Variants in CFAP47 observed in about 807,000 individuals in gnomAD.
CFAP47 encodes the protein cilia- and flagella-associated protein 47.
Under a neutral mutation model 148.1 loss-of-function variants are expected in CFAP47, and 29 were observed. The observed-to-expected ratio is 0.20, with a 90% CI of 0.15 to 0.27. The LOEUF is 0.27. Ranked by LOEUF, CFAP47 falls within the 10% of genes least tolerant of loss-of-function variation. The probability of loss-of-function intolerance (pLI) is 1.00; values close to 1 mark genes in which losing one functional copy is unlikely to be tolerated. For synonymous variants in CFAP47, 664 were observed against 577.3 expected (o/e 1.15, Z -2.15); for missense variants, 1,872 against 1,697.5 (o/e 1.10, Z -1.81).
chrX:36,171,831 G>A (rs1386286537), intron 39 of CFAP47, among the ~76,000 whole-genome samples: 12 of 110,500 alleles, frequency 1.1e-4, no homozygotes, highest in African/African-American at 3.6e-4. Flanking sequence ...CCAATTCTGT[G>A]AAGAAAGTCA....
chrX:35,953,378 G>A (rs990007218), intron 6 of CFAP47, among the ~76,000 whole-genome samples: 2 of 111,678 alleles, frequency 1.8e-5, no homozygotes, highest in East Asian at 2.8e-4. Context: ...ATGTTGGCAC[G>A]AACTCATTTT....
chrX:36,252,362 A>G (rs1294876995), intron 49 of CFAP47, among the ~76,000 whole-genome samples: 1 of 109,591 alleles, frequency 9.1e-6, no homozygotes, highest in East Asian at 2.9e-4. Context: ...CTATGCTATT[A>G]AAAAGCAGAA....
chrX:35,936,244 A>G (rs896723624), intron 2 of CFAP47, among the ~76,000 whole-genome samples: 2 of 111,355 alleles, frequency 1.8e-5, no homozygotes, highest in African/African-American at 6.5e-5. Flanking sequence ...GAATTCTATT[A>G]ATCGAGCTTC....
intron 48 of CFAP47, among the ~76,000 whole-genome samples, chrX:36,239,490 G>C (rs919726805): frequency 4.5e-5 from 5 of 112,028 alleles, no homozygotes; most frequent in Non-Finnish European, 9.4e-5. Context: ...ACAGTGTATG[G>C]ATTACTATTT....
chrX:36,280,902 C>T (rs5973635), intron 50 of CFAP47, among the ~76,000 whole-genome samples: 26,287 of 111,156 alleles, frequency 0.24, 2,573 homozygotes, highest in African/African-American at 0.36. Context: ...TGTCACTATA[C>T]AAAAGCATAC....
intron 23 of CFAP47, among the ~76,000 whole-genome samples, chrX:36,032,784 C>G (rs970451496): frequency 1.8e-5 from 2 of 110,804 alleles, no homozygotes; most frequent in Non-Finnish European, 1.9e-5. Context: ...ACAAAAGATA[C>G]TTTGCTGACG....
rs183134667 is a variant in CFAP47 at position 35,924,360 on chromosome X, T to C, written c.250-1657T>C. Among the ~76,000 whole-genome samples, 375 of 106,743 alleles carry C rather than the reference T, an allele frequency of 3.5e-3. 1 individual carries two copies. Among genetic ancestry groups the C allele is most frequent in the Non-Finnish European group, 5.9e-3 (305 of 51,756 alleles). 92.7% of individuals were successfully genotyped at this position (106,743 alleles called of 115,157 possible). A position where few individuals can be genotyped will look rare whatever the true frequency, so the allele number is the denominator to read the frequency against. On this transcript the variant is annotated intron_variant, in intron 1 of 63. Coordinates refer to ENST00000378653, the MANE Select transcript of CFAP47 (RefSeq NM_001304548.2). ...ACATATATGTGTGCATATGTGTATA[T>C]ATGTATATGTGCATATATGCACACA...
chrX:36,068,000 TA>T (rs1270385076), intron 27 of CFAP47, among the ~76,000 whole-genome samples: 1 of 112,004 alleles, frequency 8.9e-6, no homozygotes, highest in Non-Finnish European at 1.9e-5. Context: ...TTCCCAGGTA[TA>T]AAATCTTTCC....
chrX:36,040,554 A>G, intron 25 of CFAP47, among the ~76,000 whole-genome samples: 1 of 111,830 alleles, frequency 8.9e-6, no homozygotes, highest in Non-Finnish European at 1.9e-5. Flanking sequence ...TATAGTTATA[A>G]TTCAAGTCTC....
intron 3 of CFAP47, among the ~76,000 whole-genome samples, chrX:35,941,935 G>T (rs1360265201): frequency 9.0e-6 from 1 of 110,685 alleles, no homozygotes; most frequent in Non-Finnish European, 1.9e-5. Flanking sequence ...ATTCTTTTTT[G>T]AAGGAATAAA....
chrX:36,067,930 C>T (rs1288542869), intron 27 of CFAP47, among the ~76,000 whole-genome samples: 1 of 111,405 alleles, frequency 9.0e-6, no homozygotes, highest in Non-Finnish European at 1.9e-5. Flanking sequence ...GGATTACAGG[C>T]GTGAGCCACC....
At position 35,975,696 on chromosome X, in the gene CFAP47, T is replaced by G; in HGVS notation, c.2496T>G (p.Asn832Lys). 1 of 1,209,736 alleles carries G rather than the reference T, an allele frequency of 8.3e-7. No homozygotes were observed. The highest frequency in any genetic ancestry group is 1.1e-6 in the Non-Finnish European group (1 of 893,648). ...GGTCTTTCACCTTTACAGTGAACAA[T>G]GTACCCAGTGGACACATCCTAGTGG... ...FWKSFTFTVN[N>K]VPSGHILVVA... The change falls in exon 15 of 64, where the codon AAT (asparagine) becomes AAG (lysine). Residue 832 changes from asparagine to lysine, a missense_variant. Physicochemically the swap from Asn to Lys is moderately conservative, Grantham distance 94. Coordinates refer to ENST00000378653, the MANE Select transcript of CFAP47 (RefSeq NM_001304548.2).
intron 21 of CFAP47, among the ~76,000 whole-genome samples, chrX:36,002,819 A>T: frequency 8.9e-6 from 1 of 111,756 alleles, no homozygotes; most frequent in Non-Finnish European, 1.9e-5. Context: ...TATCTTTAAT[A>T]ATCTAATTTT....
chrX:36,362,962 T>C (rs60089962), intron 61 of CFAP47, among the ~76,000 whole-genome samples: 4,801 of 111,494 alleles, frequency 0.043, 241 homozygotes, highest in African/African-American at 0.14. Flanking sequence ...TATAATGACA[T>C]GGAAATTACA....
intron 45 of CFAP47, among the ~76,000 whole-genome samples, chrX:36,219,346 G>A (rs977263086): frequency 4.5e-5 from 5 of 111,480 alleles, no homozygotes; most frequent in Non-Finnish European, 5.6e-5. Flanking sequence ...TAATCTTAAT[G>A]ATGGTCAATT....
intron 33 of CFAP47, among the ~76,000 whole-genome samples, chrX:36,122,464 C>T (rs1015389857): frequency 2.7e-5 from 3 of 111,121 alleles, no homozygotes; most frequent in Non-Finnish European, 3.8e-5. Flanking sequence ...TTATTCTCTA[C>T]GTTTTGTAGA....
chrX:36,374,211 C>T (rs1198671600), intron 62 of CFAP47, among the ~76,000 whole-genome samples: 7 of 111,129 alleles, frequency 6.3e-5, no homozygotes, highest in East Asian at 2.8e-4. Flanking sequence ...ATTAATGCTA[C>T]GATCTTTTTT....
chrX:36,041,263 G>T (rs1387197711), intron 25 of CFAP47, among the ~76,000 whole-genome samples: 1 of 109,671 alleles, frequency 9.1e-6, no homozygotes, highest in African/African-American at 3.3e-5. Flanking sequence ...AACAGAGAAG[G>T]GACAGTTAAA....
chrX:36,384,819 A>C lies in CFAP47; in HGVS notation c.9377A>C (p.Tyr3126Ser). The change falls in exon 64 of 64, where the codon TAT (tyrosine) becomes TCT (serine). Residue 3126 changes from tyrosine (Y) to serine (S), a missense_variant. By Grantham distance (144) the Tyr-to-Ser change is moderately radical. Coordinates refer to ENST00000378653, the MANE Select transcript of CFAP47 (RefSeq NM_001304548.2). ...CAGACAGAAGAAATGTACTGGAAGT[A>C]TGAGATCAATGGATTAACTCCAACT... ...VIQTEEMYWK[Y>S]EINGLTPTTV... 8.6e-7 allele frequency: 1 copy of C among 1,165,358 alleles called. No homozygotes were observed. Among genetic ancestry groups the C allele is most frequent in the Non-Finnish European group, 1.1e-6 (1 of 870,932 alleles).
Sources: allele counts gnomAD v4.1 joint callset (sites outside exome capture counted in the v4.1 genomes callset), GRCh38; gene constraint gnomAD v4.1.1; transcripts MANE v1.5; gene names NCBI Gene and HGNC (gene_info 2026-07-23, HGNC 2026-07-21).